NLGN1: variants seen among roughly 807,000 people sequenced by gnomAD.
NLGN1 encodes the protein neuroligin-1.
NLGN1 carries 12 observed loss-of-function variants against 65.5 expected under a neutral mutation model. That is an observed-to-expected ratio of 0.18 (90% confidence interval 0.12 to 0.30). The LOEUF (loss-of-function observed/expected upper bound fraction) is 0.30, where lower values mean the gene tolerates loss of function less well. Among genes scored for constraint, NLGN1 ranks in the 10% least tolerant of loss-of-function variants. The probability of loss-of-function intolerance (pLI) is 1.00; values close to 1 mark genes in which losing one functional copy is unlikely to be tolerated. For synonymous variants in NLGN1, 350 were observed against 359.5 expected, an observed-to-expected ratio of 0.97 and a Z score of 0.30; for missense variants, 750 against 1,007.1, an observed-to-expected ratio of 0.74 and a Z score of 3.46.
intron 2 of NLGN1, among the ~76,000 whole-genome samples, chr3:173,544,999 A>G (rs966738900): frequency 5.3e-5 from 8 of 152,170 alleles, no homozygotes; most frequent in African/African-American, 1.9e-4. Flanking sequence ...TGTCTATTAT[A>G]TTTAACTATA....
At chr3:173,539,779 T>TATATGTACATATATAACACAC (rs1738416061) in intron 2 of NLGN1, among the ~76,000 whole-genome samples, 7 of 109,750 alleles carry the variant, frequency 6.4e-5, no homozygotes, top group African/African-American at 1.7e-4. Context: ...ATATAACACA[T>TATATGTACATATATAACACAC]ATATATGTAC....
intron 3 of NLGN1, among the ~76,000 whole-genome samples, chr3:173,702,164 G>C (rs1045172474): frequency 6.7e-6 from 1 of 149,288 alleles, no homozygotes; most frequent in African/African-American, 2.4e-5. Flanking sequence ...GCGTGAACCC[G>C]GGAGGCGGAG....
chr3:173,434,012 G>A (rs2148758423), intron 1 of NLGN1, among the ~76,000 whole-genome samples: 1 of 152,214 alleles, frequency 6.6e-6, no homozygotes, highest in Admixed American at 6.5e-5. Flanking sequence ...AATACTGCTT[G>A]CTATTTAAGC....
intron 2 of NLGN1, among the ~76,000 whole-genome samples, chr3:173,437,678 G>A (rs1718387662): frequency 6.6e-6 from 1 of 152,046 alleles, no homozygotes; most frequent in African/African-American, 2.4e-5. Flanking sequence ...CTACAAACAT[G>A]CCAAGTATCG....
chr3:173,807,613 T>G, intron 3 of NLGN1, 67 bp from the exon 4 acceptor site: 1 of 1,534,344 alleles, frequency 6.5e-7, no homozygotes, highest in Non-Finnish European at 8.9e-7. Context: ...AGATGGAAAA[T>G]GTATTCTCTG....
intron 4 of NLGN1, among the ~76,000 whole-genome samples, chr3:174,081,253 A>T (rs1742138968): frequency 1.3e-5 from 2 of 152,090 alleles, no homozygotes; most frequent in Non-Finnish European, 2.9e-5. Context: ...TGAAATGGGG[A>T]TACTTAAATT....
intron 4 of NLGN1, among the ~76,000 whole-genome samples, chr3:173,808,299 A>C (rs1037746902): frequency 2.6e-5 from 4 of 152,100 alleles, no homozygotes; most frequent in African/African-American, 7.2e-5. Context: ...TTGGTTCCAT[A>C]ATAATTAGTA....
At chr3:174,290,549 C>T (rs1171352994), downstream of NLGN1, among the ~76,000 whole-genome samples, 1 of 150,768 alleles carries the variant, frequency 6.6e-6, no homozygotes, top group Non-Finnish European at 1.5e-5. Context: ...ACAGCATAAA[C>T]AATAAAGAAA....
intron 4 of NLGN1, among the ~76,000 whole-genome samples, chr3:173,939,515 C>T (rs987323244): frequency 6.6e-6 from 1 of 152,072 alleles, no homozygotes; most frequent in Non-Finnish European, 1.5e-5. Flanking sequence ...AAAAAAGGCA[C>T]ATAATGATCT....
At chr3:174,052,289 A>T (rs1318595561) in intron 4 of NLGN1, among the ~76,000 whole-genome samples, 1 of 152,010 alleles carries the variant, frequency 6.6e-6, no homozygotes. Flanking sequence ...AATTCAGATG[A>T]TTTGGGGCCC....
At chr3:173,552,988 C>T (rs975665366) in intron 2 of NLGN1, among the ~76,000 whole-genome samples, 1 of 152,152 alleles carries the variant, frequency 6.6e-6, no homozygotes, top group Non-Finnish European at 1.5e-5. Context: ...TATGTTCTCT[C>T]TGTCCCTGGC....
At chr3:174,186,674 T>G (rs765842126) in intron 4 of NLGN1, among the ~76,000 whole-genome samples, 6 of 152,054 alleles carry the variant, frequency 3.9e-5, no homozygotes, top group Non-Finnish European at 8.8e-5. Context: ...TTTCCCTGGG[T>G]AGCTCAGAAA....
chr3:173,625,309 T>A (rs928423868), intron 3 of NLGN1, among the ~76,000 whole-genome samples: 3 of 152,048 alleles, frequency 2.0e-5, no homozygotes, highest in African/African-American at 4.8e-5. Context: ...TGTGTAAGTA[T>A]TTTATGATTG....
chr3:173,645,492 T>G (rs1047042456), intron 3 of NLGN1, among the ~76,000 whole-genome samples: 1 of 152,194 alleles, frequency 6.6e-6, no homozygotes, highest in Non-Finnish European at 1.5e-5. Context: ...TTCCCAACTC[T>G]TGGTCTAGTG....
At position 173,725,816 on chromosome 3, in the gene NLGN1, G is replaced by A. The variant is rs759804762; in HGVS notation, c.494-81864G>A. On this transcript the variant is annotated intron_variant, in intron 3 of 6. Transcript: ENST00000457714. Reference sequence around the variant, plus strand: ...TTCAAACTGCCTCAGGTTGTTGGCAGCATTCATCTCCTTATAGTTTTAGAG... The same window carrying A: ...TTCAAACTGCCTCAGGTTGTTGGCAACATTCATCTCCTTATAGTTTTAGAG... Among the ~76,000 whole-genome samples, 48 of 152,204 alleles carry A rather than the reference G, an allele frequency of 3.2e-4. 1 individual carries two copies. The highest frequency in any genetic ancestry group is 6.8e-3 in the Middle Eastern group (2 of 294).
chr3:173,738,063 C>G (rs1369041337), intron 3 of NLGN1, among the ~76,000 whole-genome samples: 1 of 151,820 alleles, frequency 6.6e-6, no homozygotes, highest in African/African-American at 2.4e-5. Context: ...TGGAGCAAAG[C>G]CTATTTGGAT....
intron 2 of NLGN1, among the ~76,000 whole-genome samples, chr3:173,521,013 A>G (rs187609111): frequency 6.6e-6 from 1 of 152,300 alleles, no homozygotes; most frequent in East Asian, 1.9e-4. Context: ...CAAGAGTCTA[A>G]GGAGTTTGTA....
chr3:173,904,508 G>T (rs73035453), intron 4 of NLGN1, among the ~76,000 whole-genome samples: 7,252 of 150,646 alleles, frequency 0.048, 378 homozygotes, highest in African/African-American at 0.13. Context: ...GAAGATAAAG[G>T]GTTTTTTTTT....
chr3:173,806,181 C>T (rs1012010419), intron 3 of NLGN1, among the ~76,000 whole-genome samples: 1 of 152,090 alleles, frequency 6.6e-6, no homozygotes, highest in African/African-American at 2.4e-5. Flanking sequence ...GCCATTTCCC[C>T]AACTCGAAAA....
Sources: gnomAD v4.1 joint callset for allele counts (sites outside exome capture counted in the v4.1 genomes callset) on GRCh38, gnomAD v4.1.1 for gene constraint, MANE v1.5 for transcripts, NCBI Gene and HGNC (gene_info 2026-07-23, HGNC 2026-07-21) for gene names.